SCAF8: variants seen among roughly 807,000 people sequenced by gnomAD.
SCAF8 encodes the protein SR-related CTD associated factor 8.
Under a neutral mutation model 140.5 loss-of-function variants are expected in SCAF8, and 23 were observed. The observed-to-expected ratio is 0.16, with a 90% confidence interval of 0.12 to 0.23. The LOEUF (loss-of-function observed/expected upper bound fraction) is 0.23, where lower values mean the gene tolerates loss of function less well. Ranked by LOEUF, SCAF8 falls within the 10% of genes least tolerant of loss-of-function variation. The pLI, the probability that SCAF8 is intolerant of heterozygous loss-of-function variation, is 1.00. For synonymous variants in SCAF8, 575 were observed against 528.9 expected, an observed-to-expected ratio of 1.09 and a Z score of -1.20; for missense variants, 1,397 against 1,555.7, an observed-to-expected ratio of 0.90 and a Z score of 1.72.
rs58013583 is a variant in SCAF8 at position 154,831,703 on chromosome 6, TAAAAAAAAAAAAAAAAAAAAA to T, written c.2360-217_2360-197del. ...CCTTTTAAACCTCCACTCCTGTTCT[TAAAAAAAAAAAAAAAAAAAAA>T]AAAAAAAAAAAAAAAAAAGAATTAT... On this transcript the variant is annotated intron_variant, in intron 19 of 19. Coordinates refer to ENST00000367178, the MANE Select transcript of SCAF8 (RefSeq NM_014892.5). Among the ~76,000 whole-genome samples the T allele has an allele frequency of 7.5e-4, 36 of 48,094 alleles. 1 individual carries two copies. The highest frequency in any genetic ancestry group is 1.7e-3 in the African/African-American group (24 of 14,218). The allele number at this position is 48,094 out of a possible 152,430, so 31.6% of individuals were successfully genotyped here.
chr6:154,801,999 T>C lies in SCAF8; in HGVS notation c.635T>C (p.Ile212Thr). The C allele has an allele frequency of 6.2e-7, 1 of 1,605,462 alleles. No homozygotes were observed. Among genetic ancestry groups the C allele is most frequent in the South Asian group, 1.1e-5 (1 of 89,614 alleles). The change falls in exon 7 of 20, where the codon ATA (isoleucine) becomes ACA (threonine). Residue 212 changes from isoleucine to threonine, a missense_variant. This residue lies in a region of SCAF8 where 339 missense variants were observed against 407.5 expected (regional missense o/e 0.83). Coordinates refer to ENST00000367178, the MANE Select transcript of SCAF8 (RefSeq NM_014892.5). Reference protein sequence around the residue: ...QLQQLIQTLQIQQQKPQPSIL... With the variant: ...QLQQLIQTLQTQQQKPQPSIL... Reference sequence around the variant, plus strand: ...CAACAATTAATACAAACCTTACAGATACAACAACAGAAGCCCCAGCCTTCC... The same window carrying C: ...CAACAATTAATACAAACCTTACAGACACAACAACAGAAGCCCCAGCCTTCC...
At chr6:154,763,307 C>T (rs1161930037) in intron 1 of SCAF8, among the ~76,000 whole-genome samples, 1 of 152,150 alleles carries the variant, frequency 6.6e-6, no homozygotes, top group African/African-American at 2.4e-5. Flanking sequence ...GCTGCAGAAA[C>T]TTTCATGAAG....
At chr6:154,783,136 T>C (rs1288708730) in intron 3 of SCAF8, among the ~76,000 whole-genome samples, 1 of 152,228 alleles carries the variant, frequency 6.6e-6, no homozygotes, top group African/African-American at 2.4e-5. Context: ...AGCTCTGTTC[T>C]CATTTGCTGG....
intron 1 of SCAF8, among the ~76,000 whole-genome samples, chr6:154,735,043 G>C (rs992129051): frequency 3.3e-5 from 5 of 151,452 alleles, no homozygotes; most frequent in Admixed American, 3.3e-4. Flanking sequence ...AGAATCGCTT[G>C]AACCTGGGAA....
At chr6:154,802,780 T>C (rs958963692) in intron 7 of SCAF8, among the ~76,000 whole-genome samples, 1 of 152,194 alleles carries the variant, frequency 6.6e-6, no homozygotes, top group Non-Finnish European at 1.5e-5. Flanking sequence ...ACTGTGATGC[T>C]CTGGGTTCTG....
intron 1 of SCAF8, among the ~76,000 whole-genome samples, chr6:154,746,796 G>C (rs1014670298): frequency 4.6e-5 from 7 of 152,160 alleles, no homozygotes; most frequent in African/African-American, 1.4e-4. Context: ...ATTTGAAATA[G>C]AGTTAGGTTC....
intron 2 of SCAF8, among the ~76,000 whole-genome samples, chr6:154,777,074 G>C (rs1454763912): frequency 6.6e-6 from 1 of 152,080 alleles, no homozygotes; most frequent in Admixed American, 6.6e-5. Flanking sequence ...CCAGCTACTT[G>C]GGAGGCTGAG....
chr6:154,809,951 A>T, intron 11 of SCAF8, 64 bp from the exon 12 acceptor site: 1 of 1,289,770 alleles, frequency 7.8e-7, no homozygotes, highest in Admixed American at 2.2e-5. Flanking sequence ...TCCCTCACTT[A>T]GAAGTGACAG....
At chr6:154,775,351 G>A (rs1776886716) in intron 2 of SCAF8, among the ~76,000 whole-genome samples, 2 of 152,082 alleles carry the variant, frequency 1.3e-5, no homozygotes, top group South Asian at 2.1e-4. Context: ...TTATTCTCTT[G>A]TACTTTACTC....
chr6:154,817,410 A>T (rs1205896806), intron 13 of SCAF8, among the ~76,000 whole-genome samples: 1 of 152,236 alleles, frequency 6.6e-6, no homozygotes, highest in Non-Finnish European at 1.5e-5. Flanking sequence ...TTGAGAGCAT[A>T]GTACTTATAA....
chr6:154,827,339 G>T (rs1309988010), intron 18 of SCAF8, 99 bp downstream of exon 18: 8 of 819,828 alleles, frequency 9.8e-6, no homozygotes, highest in South Asian at 1.8e-5. Context: ...TTTTTATTAT[G>T]AAAGCTTTAA....
At chr6:154,737,725 G>C (rs1165868327) in intron 1 of SCAF8, among the ~76,000 whole-genome samples, 1 of 152,030 alleles carries the variant, frequency 6.6e-6, no homozygotes, top group African/African-American at 2.4e-5. Flanking sequence ...GGTACTCGCT[G>C]TTGACAGGTC....
At position 154,739,994 on chromosome 6, in the gene SCAF8, C is replaced by G. The variant is rs192287175; in HGVS notation, c.30+6064C>G. 5.9e-3 allele frequency among the ~76,000 whole-genome samples: 903 copies of G among 152,208 alleles called. 5 individuals carry two copies. The highest frequency in any genetic ancestry group is 9.3e-3 in the Non-Finnish European group (630 of 67,994). Reference sequence around the variant, plus strand: ...AGCAGCTATAAAACACTGCATTTGTCTTTTATTTTCATCTACCAGGGAATC... The same window carrying G: ...AGCAGCTATAAAACACTGCATTTGTGTTTTATTTTCATCTACCAGGGAATC... On this transcript the variant is annotated intron_variant, in intron 1 of 19. Transcript: ENST00000367178.
At position 154,777,052 on chromosome 6, in the gene SCAF8, G is replaced by A. The variant is rs151079374; in HGVS notation, c.115-949G>A. 3.7e-3 allele frequency among the ~76,000 whole-genome samples: 558 copies of A among 152,214 alleles called. 5 individuals carry two copies. Among genetic ancestry groups the A allele is most frequent in the African/African-American group, 0.013 (540 of 41,538 alleles). Reference sequence around the variant, plus strand: ...AAAAATTAGGCGTGGTGGCTGGCACGCATCTGTAGTCCCAGCTACTTGGGA... The same window carrying A: ...AAAAATTAGGCGTGGTGGCTGGCACACATCTGTAGTCCCAGCTACTTGGGA... On this transcript the variant is annotated intron_variant, in intron 2 of 19. Transcript: ENST00000367178.
At chr6:154,812,292 C>CTTTT (rs759236847) in intron 12 of SCAF8, among the ~76,000 whole-genome samples, 3 of 38,792 alleles carry the variant, frequency 7.7e-5, no homozygotes, top group African/African-American at 2.9e-4. Context: ...TCTATGTCAG[C>CTTTT]TTTTTTTTTT....
At chr6:154,769,622 C>CAG (rs2114838477) in intron 1 of SCAF8, among the ~76,000 whole-genome samples, 2 of 152,218 alleles carry the variant, frequency 1.3e-5, no homozygotes, top group Admixed American at 1.3e-4. Context: ...TAAAAGTTTT[C>CAG]TATACGATGT....
chr6:154,808,459 A>ATTT (rs60459651), intron 10 of SCAF8, among the ~76,000 whole-genome samples: 1 of 147,338 alleles, frequency 6.8e-6, no homozygotes, highest in Non-Finnish European at 1.5e-5. Flanking sequence ...TGTTTTTGCG[A>ATTT]TTTTTTTTTT....
intron 1 of SCAF8, among the ~76,000 whole-genome samples, chr6:154,747,480 C>T (rs1282699714): frequency 6.6e-6 from 1 of 152,068 alleles, no homozygotes; most frequent in African/African-American, 2.4e-5. Context: ...CACTTTACTC[C>T]AGCCTGGGTG....
At position 154,733,539 on chromosome 6, in the gene SCAF8, G is replaced by A. The variant is rs895432804; in HGVS notation, c.-362G>A. On this transcript the variant is annotated 5_prime_UTR_variant, in exon 1 of 20. Transcript: ENST00000367178. ...AGCCCGTCGGAGGAAGGGGCAGAAG[G>A]GAGTGGAGAGTGTAGGGGAAGGGGC... 7.7e-6 allele frequency: 10 copies of A among 1,297,274 alleles called. No homozygotes were observed. The East Asian group carries it at 2.5e-4, about 32-fold the overall frequency. 80.4% of individuals were successfully genotyped at this position (1,297,274 alleles called of 1,614,324 possible). A position where few individuals can be genotyped will look rare whatever the true frequency, so the allele number is the denominator to read the frequency against.
Sources: gnomAD v4.1 joint callset for allele counts (sites outside exome capture counted in the v4.1 genomes callset) on GRCh38, gnomAD v4.1.1 for gene constraint, gnomAD v4.1.1 regional missense constraint, MANE v1.5 for transcripts, NCBI Gene and HGNC (gene_info 2026-07-23, HGNC 2026-07-21) for gene names.